The following ZSCAN32 variants were observed in gnomAD, a reference collection of about 807,000 sequenced individuals.
The protein encoded by ZSCAN32 is zinc finger and SCAN domain-containing protein 32.
In ZSCAN32, 52 loss-of-function variants were observed where a neutral mutation model predicts 47.4. The observed-to-expected ratio is 1.10, with a 90% CI of 0.88 to 1.38. ZSCAN32 has a LOEUF of 1.38. Among genes scored for constraint, ZSCAN32 ranks in the 40% most tolerant of loss-of-function variants. ZSCAN32 has a pLI of 0.00. For synonymous variants in ZSCAN32, 346 were observed against 305.7 expected (o/e 1.13, Z -1.38); for missense variants, 959 against 846.0 (o/e 1.13, Z -1.66).
At chr16:3,384,375 GACAGCTCCT>G in intron 6 of ZSCAN32, 75 bp downstream of exon 6, 1 of 1,545,764 alleles carries the variant, frequency 6.5e-7, no homozygotes, top group Non-Finnish European at 8.8e-7. Context: ...CAGGATCAGT[GACAGCTCCT>G]ACTCAACTGC....
chr16:3,393,517 G>A (rs1444626885), intron 3 of ZSCAN32, 132 bp downstream of exon 3: 5 of 885,858 alleles, frequency 5.6e-6, no homozygotes, highest in East Asian at 2.9e-5. Flanking sequence ...GAGCCAACAC[G>A]CCCTGCCGGT....
rs761673694 is a variant in ZSCAN32, at chr16:3,390,071, G to T, written c.690C>A (p.Gly230=). ...CCCTGTAGAGGGCCCTTTGTGCAGG[G>T]CCTGGGCACATCCATTCTTGCTGAC... ...SLCQQEWMCP[G]PAQRALYRGA... Residue 230 remains glycine (G), a synonymous_variant, in exon 5 of 7, where the codon GGC becomes GGA. Transcript: ENST00000396852. The T allele has an allele frequency of 4.6e-5, 75 of 1,613,940 alleles. No homozygotes were observed. The highest frequency in any genetic ancestry group is 6.0e-5 in the Non-Finnish European group (71 of 1,179,996).
At position 3,382,780 on chromosome 16, in the gene ZSCAN32, G is replaced by C; in HGVS notation, c.*72C>G. 1.3e-6 allele frequency: 2 copies of C among 1,513,114 alleles called. No homozygotes were observed. Among genetic ancestry groups the C allele is most frequent in the South Asian group, 1.4e-5 (1 of 73,622 alleles). 93.7% of individuals were successfully genotyped at this position (1,513,114 alleles called of 1,614,324 possible). On this transcript the variant is annotated 3_prime_UTR_variant, in exon 7 of 7. Coordinates refer to ENST00000396852, the MANE Select transcript of ZSCAN32 (RefSeq NM_001284527.2). ...CTGTTGCAAAGTCAGGGACTGGCTA[G>C]ATCTCTCCACAGCAGAAGAAAGCTC...
Position 3,382,532 on chromosome 16 carries a change from C to T in ZSCAN32, c.*320G>A. On this transcript the variant is annotated 3_prime_UTR_variant, in exon 7 of 7. Transcript: ENST00000396852. Reference sequence around the variant, plus strand: ...AGCCCTGTGTGAGGACTATGTTAGCCCAGAAAGTGTTCTTGGACCACTGGG... The same window carrying T: ...AGCCCTGTGTGAGGACTATGTTAGCTCAGAAAGTGTTCTTGGACCACTGGG... The T allele has an allele frequency of 4.5e-6, 1 of 220,844 alleles. No individual in the cohort carries two copies. Among genetic ancestry groups the T allele is most frequent in the Admixed American group, 5.3e-5 (1 of 18,964 alleles). The allele number at this position is 220,844 out of a possible 1,614,324, so 13.7% of individuals were successfully genotyped here.
chr16:3,384,314 C>G, intron 6 of ZSCAN32, 145 bp downstream of exon 6: 1 of 1,213,916 alleles, frequency 8.2e-7, no homozygotes, highest in Non-Finnish European at 1.2e-6. Flanking sequence ...ACCTTTAACT[C>G]CATGAAAACC....
chr16:3,384,819 C>T lies in ZSCAN32; in HGVS notation c.874G>A (p.Glu292Lys). Residue 292 changes from glutamate to lysine, a missense_variant, in exon 6 of 7, where the codon GAA becomes AAA. By Grantham distance (56) the Glu-to-Lys change is moderately conservative. Transcript: ENST00000396852. ...QNSQIYRAMA[E>K]GLWEQGFLRT... ...AGAAAACCCTGCTCCCAGAGTCCTT[C>T]CGCCATGGCCCTGTAGATCTGGCTG... 4 of 1,614,196 alleles carry T rather than the reference C, an allele frequency of 2.5e-6. No individual in the cohort carries two copies. The highest frequency in any genetic ancestry group is 3.4e-6 in the Non-Finnish European group (4 of 1,180,026).
In ZSCAN32 at chr16:3,383,726, C is replaced by T. The variant is rs199732982; in HGVS notation, c.1235-15G>A. On this transcript the variant is annotated splice_polypyrimidine_tract_variant and intron_variant, in intron 6 of 6. Transcript: ENST00000396852. The stretch of plus-strand genomic sequence containing the variant: ...GAACTCAAAACCTGAAAAAAAAAAA[C>T]CCCACAGAAATACAATGGACTATAG... The T allele has an allele frequency of 6.5e-7, 1 of 1,541,606 alleles. No homozygotes were observed. Among genetic ancestry groups the T allele is most frequent in the South Asian group, 1.2e-5 (1 of 81,766 alleles).
intron 3 of ZSCAN32, among the ~76,000 whole-genome samples, chr16:3,391,722 A>G (rs568924719): frequency 3.8e-4 from 57 of 151,978 alleles, no homozygotes; most frequent in Admixed American, 1.5e-3. Flanking sequence ...CTCTTAGACA[A>G]TTTTCCAGTT....
intron 1 of ZSCAN32, among the ~76,000 whole-genome samples, chr16:3,399,365 C>T (rs1053310499): frequency 2.6e-5 from 4 of 151,938 alleles, no homozygotes; most frequent in African/African-American, 7.3e-5. Flanking sequence ...GAAAGCTCTT[C>T]ATTTTCTAGG....
At chr16:3,399,711 G>C (rs911709956) in intron 1 of ZSCAN32, among the ~76,000 whole-genome samples, 3 of 152,094 alleles carry the variant, frequency 2.0e-5, no homozygotes, top group Middle Eastern at 3.4e-3. Flanking sequence ...CTCCCAAAGT[G>C]TTAGGATTAC....
chr16:3,390,390 C>T (rs4786412), intron 4 of ZSCAN32, 33 bp downstream of exon 4: 777,292 of 1,525,874 alleles, frequency 0.51, 203,604 homozygotes, highest in East Asian at 0.64. Flanking sequence ...AGAGTGGGTA[C>T]TCAAGAGACA....
Position 3,397,280 on chromosome 16 carries a change from A to C in ZSCAN32, c.278T>G (p.Ile93Ser). 17 of 1,572,250 alleles carry C rather than the reference A, an allele frequency of 1.1e-5. No individual in the cohort carries two copies. Among genetic ancestry groups the C allele is most frequent in the Non-Finnish European group, 1.5e-5 (17 of 1,158,684 alleles). Residue 93 changes from isoleucine to serine, a missense_variant, in exon 2 of 7, where the codon ATC becomes AGC. By Grantham distance (142) the Ile-to-Ser change is moderately radical. Coordinates refer to ENST00000396852, the MANE Select transcript of ZSCAN32 (RefSeq NM_001284527.2). ...EQFLTILPEE[I>S]QTWVREQHPE... Reference sequence around the variant, plus strand: ...ATGCTGCTCCCTCACCCAGGTCTGGATCTCCTCTGGCAAGATAGTCAGAAA... The same window carrying C: ...ATGCTGCTCCCTCACCCAGGTCTGGCTCTCCTCTGGCAAGATAGTCAGAAA...
intron 4 of ZSCAN32, 105 bp downstream of exon 4, chr16:3,390,318 A>G: frequency 7.4e-7 from 1 of 1,352,606 alleles, no homozygotes; most frequent in East Asian, 2.5e-5. Flanking sequence ...ATAACCCGAG[A>G]AGCCCCATGG....
chr16:3,387,265 C>T (rs914871657), intron 5 of ZSCAN32, among the ~76,000 whole-genome samples: 1 of 152,122 alleles, frequency 6.6e-6, no homozygotes, highest in Non-Finnish European at 1.5e-5. Flanking sequence ...AGGTGATACT[C>T]AAGGAAAGCA....
intron 5 of ZSCAN32, among the ~76,000 whole-genome samples, chr16:3,387,475 G>A (rs2032151626): frequency 1.3e-5 from 2 of 152,242 alleles, no homozygotes; most frequent in Admixed American, 1.3e-4. Context: ...AGTTCAGGAT[G>A]GCTGGCTACT....
chr16:3,391,249 T>G (rs2032657316), intron 3 of ZSCAN32, among the ~76,000 whole-genome samples: 1 of 152,174 alleles, frequency 6.6e-6, no homozygotes, highest in Non-Finnish European at 1.5e-5. Context: ...TCTCTTTACT[T>G]ACAGCCCCCT....
chr16:3,394,866 C>T (rs927510574), intron 2 of ZSCAN32, among the ~76,000 whole-genome samples: 17 of 152,170 alleles, frequency 1.1e-4, no homozygotes. Flanking sequence ...GTACTCTCCT[C>T]CCAGCTCTTG....
chr16:3,400,994 A>C lies in ZSCAN32; in HGVS notation c.-237T>G, dbSNP rs1251417704. 1 of 152,496 alleles carries C rather than the reference A, an allele frequency of 6.6e-6. No homozygotes were observed. Among genetic ancestry groups the C allele is most frequent in the Non-Finnish European group, 1.5e-5 (1 of 68,158 alleles). 9.4% of individuals were successfully genotyped at this position (152,496 alleles called of 1,614,324 possible). A position where few individuals can be genotyped will look rare whatever the true frequency, so the allele number is the denominator to read the frequency against. On this transcript the variant is annotated 5_prime_UTR_variant, in exon 1 of 7. Coordinates refer to ENST00000396852, the MANE Select transcript of ZSCAN32 (RefSeq NM_001284527.2). The stretch of plus-strand genomic sequence containing the variant: ...CAAACTCCCTCAGCCTCCGGGCCGG[A>C]AGTCAGCGGCGCGATTCGCTCCGCC...
chr16:3,391,475 C>T (rs200372021), intron 3 of ZSCAN32, among the ~76,000 whole-genome samples: 1 of 149,322 alleles, frequency 6.7e-6, no homozygotes, highest in South Asian at 2.1e-4. Flanking sequence ...GTCAGGAGTT[C>T]GAGACCAGCC....
Sources: allele counts gnomAD v4.1 joint callset (sites outside exome capture counted in the v4.1 genomes callset), GRCh38; gene constraint gnomAD v4.1.1; transcripts MANE v1.5; gene names NCBI Gene and HGNC (gene_info 2026-07-23, HGNC 2026-07-21).